The following FHAD1 variants were observed in gnomAD, a reference collection of about 807,000 sequenced individuals.
FHAD1 encodes the protein forkhead associated phosphopeptide binding domain 1.
FHAD1 carries 146 observed loss-of-function variants against 191.3 expected under a neutral mutation model. The ratio of observed to expected loss-of-function variants is 0.76; its 90% CI spans 0.67 to 0.88. The LOEUF (loss-of-function observed/expected upper bound fraction) is 0.88. Among genes scored for constraint, FHAD1 ranks in the 40% least tolerant of loss-of-function variants. The pLI is 0.00. For missense variants in FHAD1, 1,635 were observed against 1,785.8 expected, an observed-to-expected ratio of 0.92 and a Z score of 1.52; for synonymous variants, 616 against 672.3, an observed-to-expected ratio of 0.92 and a Z score of 1.29.
chr1:15,370,686 C>T (rs1001127840), intron 26 of FHAD1, among the ~76,000 whole-genome samples: 2 of 152,174 alleles, frequency 1.3e-5, no homozygotes, highest in Admixed American at 6.5e-5. Flanking sequence ...GCCCTGGAAG[C>T]AGGTGCTCAC....
rs79880598 is a variant in FHAD1, at chr1:15,289,333, G to C, written c.301-66G>C. ...GACCTTGGGCAGCAATGCTGTGGCT[G>C]GGACAAAGAAATGGAGACCATCCCA... On this transcript the variant is annotated intron_variant, in intron 3 of 33. Transcript: ENST00000688493. The surrounding 1 kb of genome is among the most constrained non-coding windows in gnomAD (Gnocchi z 4.2). 7.9e-4 allele frequency: 1,198 copies of C among 1,512,562 alleles called. 7 individuals are homozygous for C. In the African/African-American group the frequency reaches 0.015, roughly 19 times the overall value. 93.7% of individuals were successfully genotyped at this position (1,512,562 alleles called of 1,614,324 possible). A position where few individuals can be genotyped will look rare whatever the true frequency, so the allele number is the denominator to read the frequency against.
At chr1:15,250,175 A>G (rs1286973028) in intron 1 of FHAD1, among the ~76,000 whole-genome samples, 1 of 152,240 alleles carries the variant, frequency 6.6e-6, no homozygotes, top group Non-Finnish European at 1.5e-5. Context: ...TTGAATGGAA[A>G]AGAGAGAGAC....
downstream of FHAD1, chr1:15,399,902 C>G (rs2103253181): frequency 6.6e-6 from 1 of 152,370 alleles, no homozygotes; most frequent in East Asian, 1.9e-4. Context: ...TCACTTTCCT[C>G]TACCATATAG....
chr1:15,387,624 C>G (rs1702463655), intron 31 of FHAD1, among the ~76,000 whole-genome samples: 1 of 152,170 alleles, frequency 6.6e-6, no homozygotes, highest in Admixed American at 6.5e-5. Context: ...GTGACTCACA[C>G]CTGTAATCCC....
At chr1:15,296,933 AC>A (rs1667178944) in intron 5 of FHAD1, 140 bp downstream of exon 5, 2 of 640,650 alleles carry the variant, frequency 3.1e-6, no homozygotes, top group East Asian at 5.5e-5. Context: ...AAGACATTCA[AC>A]CAAATGTTTT....
At chr1:15,335,567 T>C (rs1213164687) in intron 14 of FHAD1, 1 of 151,338 alleles carries the variant, frequency 6.6e-6, no homozygotes, top group Non-Finnish European at 1.5e-5. Flanking sequence ...CCCAGCAGGG[T>C]GGGATTGCAC....
intron 6 of FHAD1, among the ~76,000 whole-genome samples, chr1:15,307,598 G>A (rs1242356370): frequency 6.6e-6 from 1 of 152,200 alleles, no homozygotes; most frequent in Non-Finnish European, 1.5e-5. Flanking sequence ...TCTAGTTACA[G>A]GGAATAAGTC....
chr1:15,398,795 A>C (rs1259174527), downstream of FHAD1, among the ~76,000 whole-genome samples: 1 of 151,802 alleles, frequency 6.6e-6, no homozygotes, highest in Non-Finnish European at 1.5e-5. Flanking sequence ...AAAAAAAAAA[A>C]AAATGGAAGA....
Position 15,324,524 on chromosome 1 carries a change from G to A in FHAD1, c.1438G>A (p.Val480Ile), listed in dbSNP as rs949369192. 11 of 1,551,902 alleles carry A rather than the reference G, an allele frequency of 7.1e-6. No homozygotes were observed. Among genetic ancestry groups the A allele is most frequent in the African/African-American group, 4.1e-5 (3 of 73,012 alleles). Residue 480 changes from valine (V) to isoleucine (I), a missense_variant, in exon 11 of 34, where the codon GTC (valine) becomes ATC (isoleucine). Physicochemically the swap from Val to Ile is conservative, Grantham distance 29. Coordinates refer to ENST00000688493, the MANE Select transcript of FHAD1 (RefSeq NM_001391957.1). Reference protein sequence around the residue: ...QLQEMGNRESVIKINLERAVG... With the variant: ...QLQEMGNRESIIKINLERAVG... ...GCAAGAAATGGGGAACAGAGAGAGC[G>A]TCATTAAAATCAATTTGGAGAGGGC... is the stretch of plus-strand genomic sequence containing the variant.
At chr1:15,366,925 A>G (rs1156506125) in intron 24 of FHAD1, among the ~76,000 whole-genome samples, 1 of 152,182 alleles carries the variant, frequency 6.6e-6, no homozygotes, top group South Asian at 2.1e-4. Flanking sequence ...TGGAAGATGG[A>G]ACTAAGCCCG....
intron 19 of FHAD1, among the ~76,000 whole-genome samples, chr1:15,351,115 C>T (rs996857776): frequency 1.3e-5 from 2 of 152,172 alleles, no homozygotes; most frequent in Non-Finnish European, 2.9e-5. Flanking sequence ...GAGGCCAAGG[C>T]AGACAGATCA....
At chr1:15,269,786 A>C (rs1165929670) in intron 2 of FHAD1, among the ~76,000 whole-genome samples, 2 of 152,020 alleles carry the variant, frequency 1.3e-5, no homozygotes, top group African/African-American at 4.8e-5. Context: ...TATTGGGCTT[A>C]TCTGTTTTTC....
chr1:15,327,274 C>T lies in FHAD1; in HGVS notation c.1557+132C>T. ...CATATTTTTCACACTGTTGCTACAC[C>T]ATAAAGATTTGTTTTGATTTTATGG... On this transcript the variant is annotated intron_variant, in intron 12 of 33. Transcript: ENST00000688493. The surrounding 1 kb of genome is among the most constrained non-coding windows in gnomAD (Gnocchi z 5.1). 1.7e-6 allele frequency: 1 copy of T among 595,624 alleles called. No individual in the cohort carries two copies. The highest frequency in any genetic ancestry group is 3.0e-6 in the Non-Finnish European group (1 of 335,718). 36.9% of individuals were successfully genotyped at this position (595,624 alleles called of 1,614,324 possible).
rs1298277167 is a variant in FHAD1, at chr1:15,311,227, C to T, written c.1040-1830C>T. ...AGCACAGCTTGAGTTTGCTGGGTGG[C>T]GTGCCAGGCGGGAGGGGGCTGCACG... is the stretch of plus-strand genomic sequence containing the variant. On this transcript the variant is annotated intron_variant, in intron 7 of 33. Transcript: ENST00000688493. This position sits in a 1 kb window ranked among gnomAD's most constrained non-coding sequence, Gnocchi z 4.1. Among the ~76,000 whole-genome samples the T allele has an allele frequency of 1.3e-5, 2 of 152,044 alleles. No homozygotes were observed. Among genetic ancestry groups the T allele is most frequent in the East Asian group, 1.9e-4 (1 of 5,182 alleles).
chr1:15,324,761 C>T, intron 11 of FHAD1: 2 of 584,198 alleles, frequency 3.4e-6, no homozygotes, highest in Non-Finnish European at 3.1e-6. Flanking sequence ...GCTGGGAGGC[C>T]TCCCACTCGA....
intron 33 of FHAD1, among the ~76,000 whole-genome samples, chr1:15,393,597 C>T (rs1467314366): frequency 6.6e-6 from 1 of 150,756 alleles, no homozygotes; most frequent in Non-Finnish European, 1.5e-5. Context: ...GCCTGGCTTA[C>T]AGTCTTGGGC....
chr1:15,356,637 C>G (rs572179870), intron 20 of FHAD1, among the ~76,000 whole-genome samples: 5 of 152,194 alleles, frequency 3.3e-5, no homozygotes, highest in African/African-American at 9.6e-5. Flanking sequence ...TTTGGGAGGT[C>G]GAGGTGGGAA....
chr1:15,381,416 G>T lies in FHAD1; in HGVS notation c.3987G>T (p.Leu1329=). Residue 1329 remains leucine (L), a synonymous_variant, in exon 30 of 34, where the codon CTG becomes CTT. Coordinates refer to ENST00000688493, the MANE Select transcript of FHAD1 (RefSeq NM_001391957.1). The surrounding 1 kb of genome is among the most constrained non-coding windows in gnomAD (Gnocchi z 4.6). ...ACCAGCTGGGGAGGAAAGAGGAGCT[G>T]TTGAGAGGATATGAAAAGGACGTTG... ...LKNQLGRKEE[L]LRGYEKDVEQ... 1 of 1,551,716 alleles carries T rather than the reference G, an allele frequency of 6.4e-7. No homozygotes were observed. The highest frequency in any genetic ancestry group is 8.7e-7 in the Non-Finnish European group (1 of 1,147,008).
Position 15,248,217 on chromosome 1 carries a change from G to A in FHAD1, c.-15+822G>A, listed in dbSNP as rs186001079. Among the ~76,000 whole-genome samples, 323 of 152,292 alleles carry A rather than the reference G, an allele frequency of 2.1e-3. 2 individuals carry two copies. The highest frequency in any genetic ancestry group is 0.014 in the Middle Eastern group (4 of 294). ...GCACCACTATGTGTCAGGCATGGCAGCGCTGGGGGCCAGAGGGGAGTAATG... is the reference window on the plus strand; with the variant it reads ...GCACCACTATGTGTCAGGCATGGCAACGCTGGGGGCCAGAGGGGAGTAATG... On this transcript the variant is annotated intron_variant, in intron 1 of 33. Coordinates refer to ENST00000688493, the MANE Select transcript of FHAD1 (RefSeq NM_001391957.1).
Sources: gnomAD v4.1 joint callset for allele counts (sites outside exome capture counted in the v4.1 genomes callset) on GRCh38, gnomAD v4.1.1 for gene constraint, Gnocchi (gnomAD v3.1) non-coding constraint, MANE v1.5 for transcripts, NCBI Gene and HGNC (gene_info 2026-07-23, HGNC 2026-07-21) for gene names.